Variants in ARHGAP32 observed in about 807,000 individuals in gnomAD.
The protein encoded by ARHGAP32 is Rho GTPase activating protein 32.
Under a neutral mutation model 186.5 loss-of-function variants are expected in ARHGAP32, and 51 were observed. That is an observed-to-expected ratio of 0.27 (90% CI 0.22 to 0.35). ARHGAP32 has a LOEUF of 0.35. Among genes scored for constraint, ARHGAP32 ranks in the 10% least tolerant of loss-of-function variants. ARHGAP32 has a pLI of 1.00. For synonymous variants in ARHGAP32, 950 were observed against 964.3 expected, an observed-to-expected ratio of 0.99 and a Z score of 0.27; for missense variants, 2,186 against 2,623.5, an observed-to-expected ratio of 0.83 and a Z score of 3.64.
At chr11:129,182,286 T>G (rs1016775649) in intron 1 of ARHGAP32, among the ~76,000 whole-genome samples, 6 of 152,062 alleles carry the variant, frequency 3.9e-5, no homozygotes, top group Non-Finnish European at 8.8e-5. Context: ...AAAAACAAAT[T>G]TTCTACAGTA....
Position 129,157,768 on chromosome 11 carries a change from C to T in ARHGAP32, c.225+6551G>A, listed in dbSNP as rs186176103. 2.7e-4 allele frequency among the ~76,000 whole-genome samples: 41 copies of T among 152,172 alleles called. No individual in the cohort carries two copies. In the South Asian group the frequency reaches 4.2e-3, roughly 15 times the overall value. On this transcript the variant is annotated intron_variant, in intron 2 of 22. Transcript: ENST00000682385. Reference sequence around the variant, plus strand: ...CTCCTCGAGAAAAACAACCCCAAGACACATAATTGTCAGATACACCAAGGT... The same window carrying T: ...CTCCTCGAGAAAAACAACCCCAAGATACATAATTGTCAGATACACCAAGGT...
At chr11:129,143,817 C>G (rs908767614) in intron 2 of ARHGAP32, among the ~76,000 whole-genome samples, 2 of 152,136 alleles carry the variant, frequency 1.3e-5, no homozygotes, top group Admixed American at 6.5e-5. Flanking sequence ...TATAACTGTT[C>G]TGTTTTATAT....
At chr11:129,206,829 T>C (rs370744466) in intron 1 of ARHGAP32, among the ~76,000 whole-genome samples, 6 of 151,954 alleles carry the variant, frequency 3.9e-5, no homozygotes, top group South Asian at 4.2e-4. Flanking sequence ...TAGGTATACA[T>C]GTGCCATGGT....
rs373192981 is a variant in ARHGAP32, at chr11:128,970,018, T to C, written c.5195A>G (p.Tyr1732Cys). Residue 1732 changes from tyrosine to cysteine, a missense_variant, in exon 23 of 23, where the codon TAT (tyrosine) becomes TGT (cysteine). Physicochemically the swap from Tyr to Cys is radical, Grantham distance 194. Transcript: ENST00000682385. This position sits in a 1 kb window ranked among gnomAD's most constrained non-coding sequence, Gnocchi z 5.8. The part of the protein sequence containing the change: ...APRPRANVTG[Y>C]FSPNDHNVVS... ...TACATTATGGTCGTTGGGAGAGAAA[T>C]AGCCAGTCACGTTGGCCCGGGGACG... is the stretch of plus-strand genomic sequence containing the variant. 24 of 1,613,964 alleles carry C rather than the reference T, an allele frequency of 1.5e-5. No individual in the cohort carries two copies. Among genetic ancestry groups the C allele is most frequent in the African/African-American group, 1.3e-4 (10 of 74,890 alleles).
intron 5 of ARHGAP32, among the ~76,000 whole-genome samples, chr11:129,110,223 T>C (rs1591623451): frequency 6.6e-6 from 1 of 152,236 alleles, no homozygotes; most frequent in South Asian, 2.1e-4. Flanking sequence ...TGTATATTTT[T>C]GGCAACTTTA....
At chr11:128,975,663 A>G (rs1945522768) in intron 20 of ARHGAP32, among the ~76,000 whole-genome samples, 2 of 152,284 alleles carry the variant, frequency 1.3e-5, no homozygotes, top group South Asian at 2.1e-4. Flanking sequence ...TAAATATCCA[A>G]CTGGTAAAAA....
rs535802123 is a variant in ARHGAP32, at chr11:129,163,211, GAAGT to G, written c.225+1104_225+1107del. 4.2e-3 allele frequency among the ~76,000 whole-genome samples: 634 copies of G among 152,234 alleles called. 2 individuals are homozygous for G. The highest frequency in any genetic ancestry group is 0.01 in the Middle Eastern group (3 of 294). ...CTGAGTGAAAGACATTTTCAAAAAT[GAAGT>G]AAGTAAAATATCATTACAGATCAGC... On this transcript the variant is annotated intron_variant, in intron 2 of 22. Coordinates refer to ENST00000682385, the MANE Select transcript of ARHGAP32 (RefSeq NM_001378024.1).
chr11:129,268,003 C>T (rs1945426508), intron 1 of ARHGAP32, among the ~76,000 whole-genome samples: 1 of 152,160 alleles, frequency 6.6e-6, no homozygotes, highest in Non-Finnish European at 1.5e-5. Context: ...GCTCCACTCT[C>T]ATGACCCAAA....
chr11:129,206,997 A>T (rs918881059), intron 1 of ARHGAP32, among the ~76,000 whole-genome samples: 1 of 152,060 alleles, frequency 6.6e-6, no homozygotes, highest in Non-Finnish European at 1.5e-5. Flanking sequence ...GAGTGAGAAC[A>T]TGTAGTGTTT....
chr11:129,164,445 A>G lies in ARHGAP32; in HGVS notation c.117-18T>C. The G allele has an allele frequency of 1.5e-6, 2 of 1,364,510 alleles. No homozygotes were observed. The highest frequency in any genetic ancestry group is 2.0e-6 in the Non-Finnish European group (2 of 995,066). The allele number at this position is 1,364,510 out of a possible 1,614,324, so 84.5% of individuals were successfully genotyped here. ...TCATCTTCCTAGAGATCAAAACACG[A>G]AAGATTCTGATAAGAATTTCCAATT... On this transcript the variant is annotated intron_variant, in intron 1 of 22. Coordinates refer to ENST00000682385, the MANE Select transcript of ARHGAP32 (RefSeq NM_001378024.1).
At chr11:129,086,733 A>G (rs1941415336) in intron 6 of ARHGAP32, among the ~76,000 whole-genome samples, 1 of 150,014 alleles carries the variant, frequency 6.7e-6, no homozygotes, top group South Asian at 2.2e-4. Flanking sequence ...AGGCAGGAGA[A>G]TGGCGTGAAC....
At chr11:129,041,296 C>A (rs668673) in intron 10 of ARHGAP32, among the ~76,000 whole-genome samples, 18,548 of 151,920 alleles carry the variant, frequency 0.12, 1,301 homozygotes, top group Non-Finnish European at 0.15. Context: ...AATATTTAGT[C>A]TGACAATGAG....
At chr11:129,135,696 G>A (rs994561642) in intron 2 of ARHGAP32, among the ~76,000 whole-genome samples, 5 of 152,176 alleles carry the variant, frequency 3.3e-5, no homozygotes, top group Non-Finnish European at 7.4e-5. Context: ...GAACCCAGGA[G>A]GCGGAGCTTG....
chr11:129,096,350 G>A (rs971280867), intron 5 of ARHGAP32, among the ~76,000 whole-genome samples: 1 of 152,132 alleles, frequency 6.6e-6, no homozygotes, highest in Non-Finnish European at 1.5e-5. Context: ...ACCAGGAATC[G>A]ATCTTTCCAC....
At chr11:129,235,296 C>T (rs1944914153) in intron 1 of ARHGAP32, among the ~76,000 whole-genome samples, 1 of 152,094 alleles carries the variant, frequency 6.6e-6, no homozygotes, top group Non-Finnish European at 1.5e-5. Context: ...ACGAGCTCTA[C>T]CTGGTCTAGA....
chr11:129,144,696 T>C (rs1338631864), intron 2 of ARHGAP32, among the ~76,000 whole-genome samples: 6 of 152,180 alleles, frequency 3.9e-5, no homozygotes, highest in Non-Finnish European at 8.8e-5. Flanking sequence ...GGGTAAATTG[T>C]ATCACTATTC....
intron 5 of ARHGAP32, among the ~76,000 whole-genome samples, chr11:129,118,712 A>C (rs1231458271): frequency 1.3e-5 from 2 of 152,042 alleles, no homozygotes; most frequent in East Asian, 3.9e-4. Flanking sequence ...AAGAACAGGT[A>C]ATTCCCATTT....
At chr11:128,989,208 AGATCC>A (rs1945965987) in intron 12 of ARHGAP32, among the ~76,000 whole-genome samples, 1 of 152,122 alleles carries the variant, frequency 6.6e-6, no homozygotes, top group South Asian at 2.1e-4. Flanking sequence ...AAATTCTGTC[AGATCC>A]TATAACAACA....
intron 11 of ARHGAP32, among the ~76,000 whole-genome samples, chr11:129,011,966 G>A (rs1477623429): frequency 6.6e-6 from 1 of 152,204 alleles, no homozygotes; most frequent in East Asian, 1.9e-4. Flanking sequence ...GGATAAACTA[G>A]AAGCTAATAA....
Sources: gnomAD v4.1 joint callset for allele counts (sites outside exome capture counted in the v4.1 genomes callset) on GRCh38, gnomAD v4.1.1 for gene constraint, Gnocchi (gnomAD v3.1) non-coding constraint, MANE v1.5 for transcripts, NCBI Gene and HGNC (gene_info 2026-07-23, HGNC 2026-07-21) for gene names.